Variants in ADGRV1 observed in about 807,000 individuals in gnomAD.
The protein encoded by ADGRV1 is G-protein coupled receptor 98.
Under a neutral mutation model 596.2 loss-of-function variants are expected in ADGRV1, and 359 were observed. The ratio of observed to expected loss-of-function variants is 0.60; its 90% CI spans 0.55 to 0.66. The LOEUF is 0.66. Among genes scored for constraint, ADGRV1 ranks in the 30% least tolerant of loss-of-function variants. The probability of loss-of-function intolerance (pLI) is 0.00; values close to 1 mark genes in which losing one functional copy is unlikely to be tolerated. For missense variants in ADGRV1, 7,274 were observed against 7,575.6 expected, an observed-to-expected ratio of 0.96 and a Z score of 1.48; for synonymous variants, 2,681 against 2,679.2, an observed-to-expected ratio of 1.00 and a Z score of -0.02.
intron 85 of ADGRV1, among the ~76,000 whole-genome samples, chr5:91,012,994 G>C (rs539051295): frequency 6.6e-6 from 1 of 151,938 alleles, no homozygotes; most frequent in Non-Finnish European, 1.5e-5. Context: ...CTCTTCTTGC[G>C]TTAGTTTGCT....
At chr5:91,001,687 A>G (rs931343314) in intron 85 of ADGRV1, among the ~76,000 whole-genome samples, 1 of 152,236 alleles carries the variant, frequency 6.6e-6, no homozygotes, top group Non-Finnish European at 1.5e-5. Flanking sequence ...AAATTGCAGT[A>G]AAATCTATCC....
In ADGRV1 at chr5:90,898,863, G is replaced by A. The variant is rs572069018; in HGVS notation, c.17856+35006G>A. On this transcript the variant is annotated intron_variant, in intron 83 of 89. Coordinates refer to ENST00000405460, the MANE Select transcript of ADGRV1 (RefSeq NM_032119.4). ...CAGGAGGCTGAAGCCGGAGGATCTC[G>A]TGTGTTCAGGGGCTCGAGGCTGCAG... Among the ~76,000 whole-genome samples, 15 of 152,084 alleles carry A rather than the reference G, an allele frequency of 9.9e-5. No individual in the cohort carries two copies. In the South Asian group the frequency reaches 2.9e-3, roughly 30 times the overall value.
chr5:90,745,324 T>C, intron 51 of ADGRV1, 59 bp downstream of exon 51: 1 of 1,087,118 alleles, frequency 9.2e-7, no homozygotes. Context: ...GTATGACAGC[T>C]CATTTCCAAG....
intron 84 of ADGRV1, among the ~76,000 whole-genome samples, chr5:90,978,462 G>T (rs1779811562): frequency 1.3e-5 from 2 of 151,876 alleles, no homozygotes; most frequent in African/African-American, 2.4e-5. Context: ...TGGAGGAGAT[G>T]GTTAATGGGC....
At chr5:91,150,005 T>TTTTC in intron 87 of ADGRV1, 25 bp from the exon 88 acceptor site, 1 of 1,407,642 alleles carries the variant, frequency 7.1e-7, no homozygotes, top group Non-Finnish European at 9.3e-7. Flanking sequence ...TTTTCTTTTC[T>TTTTC]TTTCTTTTTT....
At chr5:91,025,601 C>T (rs1350414373) in intron 85 of ADGRV1, among the ~76,000 whole-genome samples, 1 of 152,122 alleles carries the variant, frequency 6.6e-6, no homozygotes, top group Non-Finnish European at 1.5e-5. Flanking sequence ...AAGAGACTGC[C>T]ACAGGCAAAA....
At chr5:90,743,674 T>C (rs1754258409) in intron 50 of ADGRV1, among the ~76,000 whole-genome samples, 1 of 151,990 alleles carries the variant, frequency 6.6e-6, no homozygotes, top group African/African-American at 2.4e-5. Context: ...GGTTTCACCA[T>C]GTTAGCCAGG....
intron 83 of ADGRV1, among the ~76,000 whole-genome samples, chr5:90,871,812 A>G (rs1768710968): frequency 6.6e-6 from 1 of 152,204 alleles, no homozygotes; most frequent in East Asian, 1.9e-4. Context: ...GAAGTGTCTC[A>G]GTTTTGGAAT....
intron 83 of ADGRV1, among the ~76,000 whole-genome samples, chr5:90,936,655 G>A (rs1337114771): frequency 6.7e-6 from 1 of 150,334 alleles, no homozygotes; most frequent in Non-Finnish European, 1.5e-5. Context: ...GTTTTGTTTT[G>A]TAGATACAAT....
intron 77 of ADGRV1, among the ~76,000 whole-genome samples, chr5:90,837,683 A>G (rs1284080011): frequency 6.6e-6 from 1 of 152,114 alleles, no homozygotes; most frequent in African/African-American, 2.4e-5. Context: ...TATGTATTTT[A>G]TAAACACAAG....
intron 87 of ADGRV1, among the ~76,000 whole-genome samples, chr5:91,141,305 A>C (rs1374265490): frequency 6.6e-6 from 1 of 152,218 alleles, no homozygotes. Flanking sequence ...CTAAATTATT[A>C]AGTAATTATA....
chr5:90,863,438 A>G (rs373897890), intron 82 of ADGRV1, among the ~76,000 whole-genome samples: 1 of 152,232 alleles, frequency 6.6e-6, no homozygotes, highest in Non-Finnish European at 1.5e-5. Context: ...AACTAACACT[A>G]TTGTAATTAC....
chr5:90,826,458 C>T (rs997932963), intron 76 of ADGRV1, among the ~76,000 whole-genome samples: 1 of 152,120 alleles, frequency 6.6e-6, no homozygotes, highest in Non-Finnish European at 1.5e-5. Context: ...ACTCTTCTAC[C>T]AATTAGCTGG....
chr5:91,046,527 G>A (rs1466578394), intron 85 of ADGRV1, among the ~76,000 whole-genome samples: 1 of 152,126 alleles, frequency 6.6e-6, no homozygotes, highest in African/African-American at 2.4e-5. Context: ...ATGGGTTAAG[G>A]ACTTAAATGT....
At chr5:90,922,495 G>A (rs1013538009) in intron 83 of ADGRV1, among the ~76,000 whole-genome samples, 6 of 152,184 alleles carry the variant, frequency 3.9e-5, no homozygotes, top group South Asian at 2.1e-4. Flanking sequence ...TTACTATGTC[G>A]TGTATTTTCA....
chr5:90,869,261 A>G (rs1429310660), intron 83 of ADGRV1, among the ~76,000 whole-genome samples: 1 of 152,172 alleles, frequency 6.6e-6, no homozygotes, highest in Non-Finnish European at 1.5e-5. Flanking sequence ...CAAGGAAAAG[A>G]ACAAGAACAA....
intron 83 of ADGRV1, among the ~76,000 whole-genome samples, chr5:90,922,618 A>G (rs927376679): frequency 2.0e-5 from 3 of 152,048 alleles, no homozygotes; most frequent in African/African-American, 7.2e-5. Context: ...CTTACAACTA[A>G]CCAAAGCAGA....
At chr5:91,017,439 G>A (rs1783266043) in intron 85 of ADGRV1, among the ~76,000 whole-genome samples, 1 of 151,888 alleles carries the variant, frequency 6.6e-6, no homozygotes, top group Non-Finnish European at 1.5e-5. Context: ...CTGAAGGAGA[G>A]CTCAAGTTGT....
intron 21 of ADGRV1, 131 bp from the exon 22 acceptor site, chr5:90,672,415 C>T (rs1054106865): frequency 4.3e-5 from 26 of 600,508 alleles, no homozygotes; most frequent in Non-Finnish European, 7.0e-5. Flanking sequence ...GCAGAGGCCT[C>T]GTTAGTCCCT....
Sources: gnomAD v4.1 joint callset for allele counts (sites outside exome capture counted in the v4.1 genomes callset) on GRCh38, gnomAD v4.1.1 for gene constraint, MANE v1.5 for transcripts, NCBI Gene and HGNC (gene_info 2026-07-23, HGNC 2026-07-21) for gene names.